Variants in SEZ6L observed in about 807,000 individuals in gnomAD.
SEZ6L encodes the protein seizure related 6 homolog like.
In SEZ6L, 37 loss-of-function variants were observed where a neutral mutation model predicts 106.2. The ratio of observed to expected loss-of-function variants is 0.35; its 90% CI spans 0.27 to 0.46. The LOEUF is 0.46. Ranked by LOEUF, SEZ6L falls within the 20% of genes least tolerant of loss-of-function variation. The pLI, the probability that SEZ6L is intolerant of heterozygous loss-of-function variation, is 1.00. For missense variants in SEZ6L, 1,172 were observed against 1,332.8 expected, an observed-to-expected ratio of 0.88 and a Z score of 1.88; for synonymous variants, 541 against 570.4, an observed-to-expected ratio of 0.95 and a Z score of 0.73.
intron 1 of SEZ6L, among the ~76,000 whole-genome samples, chr22:26,249,801 T>C (rs1182446261): frequency 6.6e-6 from 1 of 152,200 alleles, no homozygotes; most frequent in Non-Finnish European, 1.5e-5. Context: ...ACCAACTGTG[T>C]ATAAGAGTTC....
At chr22:26,259,789 A>G (rs1336985540) in intron 1 of SEZ6L, among the ~76,000 whole-genome samples, 12 of 152,162 alleles carry the variant, frequency 7.9e-5, no homozygotes, top group African/African-American at 2.9e-4. Context: ...TGGAATGCCA[A>G]TCATATCTAT....
At chr22:26,379,654 G>A (rs2084350252) in intron 16 of SEZ6L, among the ~76,000 whole-genome samples, 1 of 152,108 alleles carries the variant, frequency 6.6e-6, no homozygotes, top group Non-Finnish European at 1.5e-5. Flanking sequence ...CCCCCATGTT[G>A]TAGTCGTTTC....
intron 1 of SEZ6L, among the ~76,000 whole-genome samples, chr22:26,275,216 G>T (rs983167432): frequency 2.0e-5 from 3 of 152,036 alleles, no homozygotes; most frequent in Admixed American, 6.5e-5. Flanking sequence ...AATTTACAAC[G>T]TTGCAAAAGA....
At chr22:26,273,476 A>G (rs1199750748) in intron 1 of SEZ6L, among the ~76,000 whole-genome samples, 7 of 152,258 alleles carry the variant, frequency 4.6e-5, no homozygotes, top group Non-Finnish European at 1.0e-4. Context: ...CCTCGGCCTC[A>G]GGCCCACACA....
chr22:26,183,015 T>G (rs575482016), intron 1 of SEZ6L, among the ~76,000 whole-genome samples: 6 of 152,270 alleles, frequency 3.9e-5, no homozygotes, highest in African/African-American at 1.4e-4. Flanking sequence ...TCCCTGTTTC[T>G]AAAGAAAGCA....
chr22:26,211,333 G>A (rs1279318385), intron 1 of SEZ6L, among the ~76,000 whole-genome samples: 1 of 152,136 alleles, frequency 6.6e-6, no homozygotes, highest in African/African-American at 2.4e-5. Flanking sequence ...TAATGGTGTT[G>A]GCCAAACTCT....
intron 12 of SEZ6L, among the ~76,000 whole-genome samples, chr22:26,352,425 T>G (rs1383296219): frequency 2.6e-5 from 4 of 151,990 alleles, no homozygotes; most frequent in Non-Finnish European, 4.4e-5. Context: ...AATTTAACTC[T>G]GGGGGGAAAA....
chr22:26,170,608 G>C (rs1436087866), intron 1 of SEZ6L, among the ~76,000 whole-genome samples: 1 of 152,080 alleles, frequency 6.6e-6, no homozygotes, highest in Non-Finnish European at 1.5e-5. Context: ...CCCCGGTAAG[G>C]TACCCCAGGA....
At chr22:26,198,858 C>A (rs1940751155) in intron 1 of SEZ6L, among the ~76,000 whole-genome samples, 1 of 152,230 alleles carries the variant, frequency 6.6e-6, no homozygotes, top group South Asian at 2.1e-4. Flanking sequence ...ATAACAAAAT[C>A]TTCACATTAG....
In SEZ6L at chr22:26,381,763, C is replaced by T. The variant is rs192366428; in HGVS notation, c.*1468C>T. 2 of 281,506 alleles carry T rather than the reference C, an allele frequency of 7.1e-6. No homozygotes were observed. The highest frequency in any genetic ancestry group is 4.4e-5 in the Admixed American group (1 of 22,980). The allele number at this position is 281,506 out of a possible 1,614,324, so 17.4% of individuals were successfully genotyped here. A position where few individuals can be genotyped will look rare whatever the true frequency, so the allele number is the denominator to read the frequency against. On this transcript the variant is annotated 3_prime_UTR_variant, in exon 17 of 17. Transcript: ENST00000248933. Reference sequence around the variant, plus strand: ...CATGGAAGAAATACTATGTGTGAAGCAGATTCACCTTCCTGGGACCGGTGA... The same window carrying T: ...CATGGAAGAAATACTATGTGTGAAGTAGATTCACCTTCCTGGGACCGGTGA...
intron 1 of SEZ6L, among the ~76,000 whole-genome samples, chr22:26,223,989 A>C (rs1303100237): frequency 6.6e-6 from 1 of 152,168 alleles, no homozygotes; most frequent in Non-Finnish European, 1.5e-5. Flanking sequence ...ACTAATTACT[A>C]TTAAATTGGC....
chr22:26,336,284 C>T (rs2082641626), intron 9 of SEZ6L, among the ~76,000 whole-genome samples: 1 of 152,112 alleles, frequency 6.6e-6, no homozygotes, highest in Non-Finnish European at 1.5e-5. Flanking sequence ...ATAAATACCC[C>T]AGCTCCTTCT....
chr22:26,320,998 A>G (rs2082138269), intron 9 of SEZ6L, among the ~76,000 whole-genome samples: 3 of 152,300 alleles, frequency 2.0e-5, no homozygotes, highest in Admixed American at 6.5e-5. Flanking sequence ...CTAAGACCTG[A>G]AAGACAGAGA....
At chr22:26,247,032 A>T (rs1437563298) in intron 1 of SEZ6L, among the ~76,000 whole-genome samples, 6 of 152,100 alleles carry the variant, frequency 3.9e-5, no homozygotes, top group African/African-American at 1.4e-4. Context: ...GTGCTATTTT[A>T]TTGTTGTCTG....
intron 10 of SEZ6L, among the ~76,000 whole-genome samples, chr22:26,344,104 A>G (rs2082933395): frequency 6.6e-6 from 1 of 152,206 alleles, no homozygotes; most frequent in Non-Finnish European, 1.5e-5. Context: ...TGTGGTCACT[A>G]GGGAATTCTG....
At chr22:26,285,746 G>A (rs186832890) in intron 1 of SEZ6L, among the ~76,000 whole-genome samples, 5 of 152,342 alleles carry the variant, frequency 3.3e-5, no homozygotes, top group Admixed American at 6.5e-5. Flanking sequence ...GTAACTGGCA[G>A]TACAGTTGGT....
At chr22:26,221,324 C>T (rs887459794) in intron 1 of SEZ6L, among the ~76,000 whole-genome samples, 5 of 152,064 alleles carry the variant, frequency 3.3e-5, no homozygotes, top group African/African-American at 7.2e-5. Context: ...CTTGGTTGCA[C>T]ACTCTTACCT....
intron 12 of SEZ6L, among the ~76,000 whole-genome samples, chr22:26,352,242 G>A (rs545575790): frequency 3.4e-4 from 51 of 152,020 alleles, no homozygotes; most frequent in Non-Finnish European, 6.5e-4. Flanking sequence ...ATTGCATAAG[G>A]AAAGCATGAA....
chr22:26,188,435 C>A (rs539584725), intron 1 of SEZ6L, among the ~76,000 whole-genome samples: 1 of 152,098 alleles, frequency 6.6e-6, no homozygotes, highest in Admixed American at 6.5e-5. Context: ...GCTTGTCACC[C>A]GAGCATGTAA....
Sources: gnomAD v4.1 joint callset for allele counts (sites outside exome capture counted in the v4.1 genomes callset) on GRCh38, gnomAD v4.1.1 for gene constraint, MANE v1.5 for transcripts, NCBI Gene and HGNC (gene_info 2026-07-23, HGNC 2026-07-21) for gene names.